The following HTR4 variants were observed in gnomAD, a reference collection of about 807,000 sequenced individuals.
HTR4 encodes 5-hydroxytryptamine (serotonin) receptor 4, G protein-coupled.
In HTR4, 16 loss-of-function variants were observed where a neutral mutation model predicts 36.8. The ratio of observed to expected loss-of-function variants is 0.43; its 90% CI spans 0.29 to 0.66. HTR4 has a LOEUF of 0.66. HTR4 is among the 30% of genes least tolerant of loss of function. The pLI is 0.13. For missense variants in HTR4, 438 were observed against 490.9 expected, an observed-to-expected ratio of 0.89 and a Z score of 1.02; for synonymous variants, 189 against 185.1, an observed-to-expected ratio of 1.02 and a Z score of -0.17.
chr5:148,622,517 T>G (rs960935981), intron 2 of HTR4, among the ~76,000 whole-genome samples: 16 of 151,910 alleles, frequency 1.1e-4, no homozygotes, highest in African/African-American at 3.9e-4. Context: ...CAGGCTGATA[T>G]CCTTCTGATA....
chr5:148,514,241 G>C (rs1475137271), intron 5 of HTR4, among the ~76,000 whole-genome samples: 2 of 152,040 alleles, frequency 1.3e-5, no homozygotes, highest in African/African-American at 2.4e-5. Flanking sequence ...TAAATTGTAT[G>C]TCAATGCCCT....
At chr5:148,595,540 AG>A (rs1369561147) in intron 2 of HTR4, among the ~76,000 whole-genome samples, 4 of 152,086 alleles carry the variant, frequency 2.6e-5, no homozygotes, top group African/African-American at 9.7e-5. Flanking sequence ...AAACATGAGA[AG>A]GGTGTGCAAA....
intron 5 of HTR4, among the ~76,000 whole-genome samples, chr5:148,457,625 T>C (rs1250618620): frequency 6.7e-6 from 1 of 148,166 alleles, no homozygotes; most frequent in Non-Finnish European, 1.5e-5. Flanking sequence ...CATCAAAATA[T>C]ATTATATATT....
intron 6 of HTR4, 26 bp from the exon 7 acceptor site, chr5:148,483,319 C>T (rs1357033708): frequency 6.3e-7 from 1 of 1,593,828 alleles, no homozygotes; most frequent in Admixed American, 1.7e-5. Flanking sequence ...GATTACAGAA[C>T]CTCAGAATTG....
intron 6 of HTR4, among the ~76,000 whole-genome samples, chr5:148,500,765 A>C (rs1756900813): frequency 6.6e-6 from 1 of 152,180 alleles, no homozygotes; most frequent in South Asian, 2.1e-4. Context: ...AAGAGGTTCA[A>C]TCTGACAAAC....
intron 2 of HTR4, among the ~76,000 whole-genome samples, chr5:148,612,165 G>T (rs1294436345): frequency 1.3e-5 from 2 of 152,144 alleles, no homozygotes; most frequent in Non-Finnish European, 2.9e-5. Context: ...ACTCAGCTCT[G>T]CACCAAGCGG....
At chr5:148,537,668 T>A (rs192026430) in intron 4 of HTR4, among the ~76,000 whole-genome samples, 1 of 152,056 alleles carries the variant, frequency 6.6e-6, no homozygotes, top group East Asian at 1.9e-4. Context: ...ACATACACCC[T>A]CCCAACACTG....
intron 4 of HTR4, among the ~76,000 whole-genome samples, chr5:148,545,968 T>TGA (rs1372979212): frequency 5.9e-5 from 9 of 152,160 alleles, no homozygotes; most frequent in African/African-American, 1.9e-4. Flanking sequence ...AGGAAAGTGT[T>TGA]GAGTGATTTC....
At chr5:148,547,436 G>A (rs111423287) in intron 4 of HTR4, among the ~76,000 whole-genome samples, 12 of 151,818 alleles carry the variant, frequency 7.9e-5, no homozygotes, top group South Asian at 4.2e-4. Flanking sequence ...GGAGAATGGC[G>A]AGAACCCGGG....
intron 4 of HTR4, among the ~76,000 whole-genome samples, chr5:148,535,462 C>G (rs759800357): frequency 9.2e-5 from 14 of 151,946 alleles, no homozygotes; most frequent in Non-Finnish European, 1.8e-4. Context: ...AATGGCAAAA[C>G]CCAATCCAAG....
intron 2 of HTR4, among the ~76,000 whole-genome samples, chr5:148,600,349 A>T (rs13354650): frequency 0.039 from 5,407 of 137,260 alleles, 308 homozygotes; most frequent in African/African-American, 0.15. Context: ...ATATATATAT[A>T]TTTTTTTTTC....
At chr5:148,535,524 A>G (rs1178801272) in intron 4 of HTR4, among the ~76,000 whole-genome samples, 1 of 152,232 alleles carries the variant, frequency 6.6e-6, no homozygotes, top group African/African-American at 2.4e-5. Flanking sequence ...TGAAATAGCC[A>G]GTATAAAAAA....
intron 4 of HTR4, among the ~76,000 whole-genome samples, chr5:148,534,012 C>T (rs1758695649): frequency 6.6e-6 from 1 of 152,146 alleles, no homozygotes; most frequent in African/African-American, 2.4e-5. Context: ...ATGAATTGGT[C>T]TCTAAAGGCA....
At chr5:148,459,149 C>T (rs1156673389) in intron 5 of HTR4, among the ~76,000 whole-genome samples, 1 of 151,990 alleles carries the variant, frequency 6.6e-6, no homozygotes, top group Non-Finnish European at 1.5e-5. Flanking sequence ...GAGGACATTC[C>T]AGGCATGGGC....
chr5:148,509,383 C>T, intron 6 of HTR4, 73 bp downstream of exon 6: 1 of 1,182,942 alleles, frequency 8.5e-7, no homozygotes, highest in South Asian at 1.6e-5. Context: ...CCTTTGGAAA[C>T]AGAAAACTGG....
chr5:148,576,119 A>AAAAAAAAAAAAAAAAAAAAAAAAAC (rs1760897178), intron 2 of HTR4, among the ~76,000 whole-genome samples: 1 of 135,566 alleles, frequency 7.4e-6, no homozygotes, highest in African/African-American at 2.6e-5. Context: ...TCAAAAAAAA[A>AAAAAAAAAAAAAAAAAAAAAAAAAC]AAAAAAAAAA....
intron 4 of HTR4, among the ~76,000 whole-genome samples, chr5:148,535,210 A>C (rs939456273): frequency 6.6e-6 from 1 of 152,234 alleles, no homozygotes; most frequent in African/African-American, 2.4e-5. Context: ...CTGTGAAAGC[A>C]GGCAGGAAAG....
At chr5:148,516,611 C>A (rs2113784917) in intron 5 of HTR4, among the ~76,000 whole-genome samples, 1 of 150,682 alleles carries the variant, frequency 6.6e-6, no homozygotes. Flanking sequence ...AGCCACCGCA[C>A]CTGGCCAAAA....
At chr5:148,483,348 A>C in intron 6 of HTR4, 55 bp from the exon 7 acceptor site, 7 of 1,511,176 alleles carry the variant, frequency 4.6e-6, no homozygotes, top group Non-Finnish European at 5.4e-6. Flanking sequence ...GTTGCAGATC[A>C]TCTCCTGAAA....
Sources: gnomAD v4.1 joint callset for allele counts (sites outside exome capture counted in the v4.1 genomes callset) on GRCh38, gnomAD v4.1.1 for gene constraint, MANE v1.5 for transcripts, NCBI Gene and HGNC (gene_info 2026-07-23, HGNC 2026-07-21) for gene names.